The following DPP6 variants were observed in gnomAD, a reference collection of about 807,000 sequenced individuals.
The protein encoded by DPP6 is A-type potassium channel modulatory protein DPP6.
Under a neutral mutation model 122.6 loss-of-function variants are expected in DPP6, and 69 were observed. The ratio of observed to expected loss-of-function variants is 0.56; its 90% CI spans 0.46 to 0.69. The LOEUF (loss-of-function observed/expected upper bound fraction) is 0.69, where lower values mean the gene tolerates loss of function less well. Ranked by LOEUF, DPP6 falls within the 30% of genes least tolerant of loss-of-function variation. The probability of loss-of-function intolerance (pLI) is 0.00; values close to 1 mark genes in which losing one functional copy is unlikely to be tolerated. For synonymous variants in DPP6, 418 were observed against 433.1 expected (o/e 0.97, Z 0.43); for missense variants, 928 against 1,116.9 (o/e 0.83, Z 2.41).
chr7:154,794,437 C>G (rs905484064), intron 11 of DPP6, among the ~76,000 whole-genome samples: 64 of 152,346 alleles, frequency 4.2e-4, no homozygotes, highest in African/African-American at 1.4e-3. Flanking sequence ...CCAGAGGCGC[C>G]CCGTGCCTGG....
chr7:154,562,658 T>C (rs1830495937), intron 4 of DPP6, among the ~76,000 whole-genome samples: 1 of 152,114 alleles, frequency 6.6e-6, no homozygotes, highest in Non-Finnish European at 1.5e-5. Flanking sequence ...AATACCTATA[T>C]ACACAGGAAA....
the DPP6 span, among the ~76,000 whole-genome samples, chr7:153,791,145 T>C: frequency 5.3e-5 from 8 of 152,162 alleles, no homozygotes; most frequent in African/African-American, 1.9e-4. Flanking sequence ...TTTGTTGCCG[T>C]GTATTTTTGT....
At chr7:154,874,340 C>T (rs924868334) in intron 19 of DPP6, among the ~76,000 whole-genome samples, 1 of 152,188 alleles carries the variant, frequency 6.6e-6, no homozygotes, top group Non-Finnish European at 1.5e-5. Flanking sequence ...GTGGTCGTGC[C>T]CGGTGGAGAC....
chr7:154,063,675 CCCAGCGGG>C (rs1802446415), intron 1 of DPP6, among the ~76,000 whole-genome samples: 7 of 112,084 alleles, frequency 6.2e-5, no homozygotes, highest in Non-Finnish European at 9.0e-5. Context: ...GGACCCCCAT[CCCAGCGGG>C]GGGAGGCACC....
chr7:153,803,154 G>A, the DPP6 span, among the ~76,000 whole-genome samples: 3 of 151,576 alleles, frequency 2.0e-5, no homozygotes, highest in East Asian at 1.9e-4. Flanking sequence ...AGACACGTGG[G>A]CGTCCCAATG....
chr7:154,224,715 A>T (rs1474013852), intron 1 of DPP6, among the ~76,000 whole-genome samples: 1 of 149,628 alleles, frequency 6.7e-6, no homozygotes, highest in African/African-American at 2.5e-5. Context: ...TTTAAAATTT[A>T]CCAATACTAG....
intron 1 of DPP6, among the ~76,000 whole-genome samples, chr7:153,987,910 C>G (rs1346283125): frequency 6.6e-6 from 1 of 152,102 alleles, no homozygotes; most frequent in Non-Finnish European, 1.5e-5. Context: ...ACGTGGGGTG[C>G]TTTGTCACCG....
At chr7:154,129,857 G>C (rs921779000) in intron 1 of DPP6, among the ~76,000 whole-genome samples, 2 of 151,162 alleles carry the variant, frequency 1.3e-5, no homozygotes, top group Non-Finnish European at 2.9e-5. Flanking sequence ...CTGAGATTGT[G>C]CCACTGCACT....
At chr7:154,264,818 A>ATGATAG (rs964398389) in intron 1 of DPP6, among the ~76,000 whole-genome samples, 3 of 152,030 alleles carry the variant, frequency 2.0e-5, no homozygotes, top group African/African-American at 7.2e-5. Context: ...GGTGTTGATA[A>ATGATAG]TGATAGTGAT....
chr7:154,200,378 C>A (rs1330406611), intron 1 of DPP6, among the ~76,000 whole-genome samples: 2 of 152,116 alleles, frequency 1.3e-5, no homozygotes, highest in Non-Finnish European at 2.9e-5. Context: ...TTTTGAAATG[C>A]ACAGTAGATG....
chr7:154,176,781 G>A (rs1205069849), intron 1 of DPP6, among the ~76,000 whole-genome samples: 3 of 152,204 alleles, frequency 2.0e-5, no homozygotes, highest in East Asian at 1.9e-4. Context: ...GGCTTTCAGG[G>A]ACACACTTCC....
chr7:154,165,313 A>G (rs902465032), intron 1 of DPP6, among the ~76,000 whole-genome samples: 7 of 142,782 alleles, frequency 4.9e-5, no homozygotes, highest in Non-Finnish European at 1.0e-4. Context: ...AATTTCATCC[A>G]TGTCCCTACA....
rs74495057 is a variant in DPP6, at chr7:154,478,950, T to TTTTGTTTGTTTG, written c.457+3925_457+3936dup. On this transcript the variant is annotated intron_variant, in intron 3 of 25. Transcript: ENST00000377770. The stretch of plus-strand genomic sequence containing the variant: ...ACAGAGGAAGAGACTTGATTTTGTT[T>TTTTGTTTGTTTG]TTTGTTTGTTTGTTTGTTTGTTTTT... Among the ~76,000 whole-genome samples the TTTTGTTTGTTTG allele has an allele frequency of 3.3e-3, 493 of 150,720 alleles. 2 individuals carry two copies. Among genetic ancestry groups the TTTTGTTTGTTTG allele is most frequent in the African/African-American group, 0.011 (447 of 40,372 alleles).
Position 154,305,682 on chromosome 7 carries a change from T to C in DPP6, c.244-140532T>C, listed in dbSNP as rs138298024. The C allele has an allele frequency of 2.0e-4, 277 of 1,370,242 alleles. No individual in the cohort carries two copies. In the African/African-American group the frequency reaches 3.2e-3, roughly 16 times the overall value. 84.9% of individuals were successfully genotyped at this position (1,370,242 alleles called of 1,614,324 possible). A position where few individuals can be genotyped will look rare whatever the true frequency, so the allele number is the denominator to read the frequency against. ...TGGGGAAGAATTTTGTATTTTGTAT[T>C]GGTTTATGACTGTAGCCCCCTGAGC... is the stretch of plus-strand genomic sequence containing the variant. On this transcript the variant is annotated intron_variant, in intron 1 of 25. Coordinates refer to ENST00000377770, the MANE Select transcript of DPP6 (RefSeq NM_130797.4).
chr7:153,766,876 GTCT>G, the DPP6 span, among the ~76,000 whole-genome samples: 2 of 152,028 alleles, frequency 1.3e-5, no homozygotes, highest in Non-Finnish European at 2.9e-5. Flanking sequence ...TCAATGAAAC[GTCT>G]TCTTCTCTTT....
chr7:153,841,988 C>T, the DPP6 span, among the ~76,000 whole-genome samples: 1 of 152,192 alleles, frequency 6.6e-6, no homozygotes, highest in South Asian at 2.1e-4. Context: ...CCAGGTTTCT[C>T]TTGACGTTTC....
In DPP6 at chr7:154,568,219, A is replaced by G. The variant is rs564942109; in HGVS notation, c.627+1303A>G. Among the ~76,000 whole-genome samples, 6 of 152,346 alleles carry G rather than the reference A, an allele frequency of 3.9e-5. No individual in the cohort carries two copies. The East Asian group carries it at 1.2e-3, about 29-fold the overall frequency. On this transcript the variant is annotated intron_variant, in intron 5 of 25. Transcript: ENST00000377770. The stretch of plus-strand genomic sequence containing the variant: ...GTCATAGACCATTTCAGCTTCCTTC[A>G]TCACCCTTGAAAACCACCAGAAATA...
At chr7:154,830,303 G>T (rs1260322006) in intron 16 of DPP6, among the ~76,000 whole-genome samples, 1 of 152,082 alleles carries the variant, frequency 6.6e-6, no homozygotes, top group Non-Finnish European at 1.5e-5. Flanking sequence ...GCCACTAATT[G>T]CCACAAGTTC....
intron 16 of DPP6, among the ~76,000 whole-genome samples, chr7:154,823,597 T>C (rs1035155510): frequency 2.3e-4 from 35 of 152,210 alleles, no homozygotes; most frequent in African/African-American, 8.4e-4. Context: ...TAACCATCAT[T>C]GTATGGATCT....
Sources: allele counts gnomAD v4.1 joint callset (sites outside exome capture counted in the v4.1 genomes callset), GRCh38; gene constraint gnomAD v4.1.1; transcripts MANE v1.5; gene names NCBI Gene and HGNC (gene_info 2026-07-23, HGNC 2026-07-21).